The following COPB1 variants were observed in gnomAD, a reference collection of about 807,000 sequenced individuals.
The protein encoded by COPB1 is coatomer subunit beta.
In COPB1, 21 loss-of-function variants were observed where a neutral mutation model predicts 108.7. That is an observed-to-expected ratio of 0.19 (90% CI 0.14 to 0.28). The LOEUF is 0.28. Among genes scored for constraint, COPB1 ranks in the 10% least tolerant of loss-of-function variants. The probability of loss-of-function intolerance (pLI) is 1.00; values close to 1 mark genes in which losing one functional copy is unlikely to be tolerated. For synonymous variants in COPB1, 378 were observed against 386.8 expected (o/e 0.98, Z 0.27); for missense variants, 919 against 1,141.3 (o/e 0.81, Z 2.81).
chr11:14,484,373 T>C (rs1440832561), intron 7 of COPB1, among the ~76,000 whole-genome samples: 1 of 152,230 alleles, frequency 6.6e-6, no homozygotes. Flanking sequence ...TTGACAATTA[T>C]ATGATTATAG....
chr11:14,477,724 G>T (rs992464465), intron 11 of COPB1, among the ~76,000 whole-genome samples: 1 of 151,830 alleles, frequency 6.6e-6, no homozygotes, highest in African/African-American at 2.4e-5. Context: ...GTGAAACCTC[G>T]TCTCTACTGA....
chr11:14,493,090 G>T (rs1309991494), intron 4 of COPB1, among the ~76,000 whole-genome samples: 1 of 152,178 alleles, frequency 6.6e-6, no homozygotes, highest in Non-Finnish European at 1.5e-5. Context: ...AGGTTGTTGT[G>T]AGCCGAGATC....
In COPB1 at chr11:14,457,744, GAA is replaced by G. The variant is rs1850059490; in HGVS notation, c.*78_*79del. ...ATGAACTCAGATTCTATATAAGCAT[GAA>G]AGAGTACAAAAGATGTTGGAGTCCA... On this transcript the variant is annotated 3_prime_UTR_variant, in exon 22 of 22. Transcript: ENST00000439561. The G allele has an allele frequency of 3.4e-6, 3 of 871,372 alleles. No homozygotes were observed. Among genetic ancestry groups the G allele is most frequent in the East Asian group, 5.0e-5 (2 of 40,356 alleles). The allele number at this position is 871,372 out of a possible 1,614,324, so 54.0% of individuals were successfully genotyped here. A position where few individuals can be genotyped will look rare whatever the true frequency, so the allele number is the denominator to read the frequency against.
At chr11:14,489,151 G>C (rs958209391) in intron 5 of COPB1, among the ~76,000 whole-genome samples, 7 of 152,240 alleles carry the variant, frequency 4.6e-5, no homozygotes, top group South Asian at 2.1e-4. Context: ...TCTTGTTTAG[G>C]AAGACAAAAT....
At position 14,465,023 on chromosome 11, in the gene COPB1, C is replaced by T. The variant is rs1423703996; in HGVS notation, c.2298G>A (p.Leu766=). 6 of 1,607,736 alleles carry T rather than the reference C, an allele frequency of 3.7e-6. No homozygotes were observed. In the African/African-American group the frequency reaches 8.1e-5, roughly 22 times the overall value. ...CTLELATLGD[L]KLVEKPSPLT... The stretch of plus-strand genomic sequence containing the variant: ...AAGGAGACGGCTTTTCCACAAGTTT[C>T]AGATCCCCTGAAAGAAAGAGTTTGG... The change falls in exon 18 of 22, where the codon CTG becomes CTA. Residue 766 remains leucine, a synonymous_variant. Transcript: ENST00000439561.
intron 4 of COPB1, among the ~76,000 whole-genome samples, chr11:14,493,432 A>G (rs997386060): frequency 1.3e-5 from 2 of 152,382 alleles, no homozygotes; most frequent in South Asian, 2.1e-4. Context: ...TTACTGTTAT[A>G]CAAGTTCAGC....
intron 14 of COPB1, among the ~76,000 whole-genome samples, chr11:14,471,474 T>C (rs1286480030): frequency 1.3e-5 from 2 of 152,204 alleles, no homozygotes; most frequent in Non-Finnish European, 2.9e-5. Flanking sequence ...TTAAAGATTA[T>C]ACTGTGACCA....
intron 16 of COPB1, among the ~76,000 whole-genome samples, chr11:14,468,197 C>T (rs1324876680): frequency 6.6e-6 from 1 of 152,130 alleles, no homozygotes; most frequent in Non-Finnish European, 1.5e-5. Flanking sequence ...ACTGTTCATT[C>T]AGTCTAATAG....
intron 5 of COPB1, among the ~76,000 whole-genome samples, chr11:14,489,875 T>C (rs1357865251): frequency 1.3e-5 from 2 of 152,222 alleles, no homozygotes; most frequent in Non-Finnish European, 2.9e-5. Context: ...AATTTTTTTG[T>C]TATGTGTATG....
At position 14,488,013 on chromosome 11, in the gene COPB1, A is replaced by T. The variant is rs1850815280; in HGVS notation, c.699+479T>A. ...TTGCCAATATAGTATTTGATTTAAAAATCCAAAATTCTTAGCTGGTTTTAG... is the reference window on the plus strand; with the variant it reads ...TTGCCAATATAGTATTTGATTTAAATATCCAAAATTCTTAGCTGGTTTTAG... On this transcript the variant is annotated intron_variant, in intron 6 of 21. Coordinates refer to ENST00000439561, the MANE Select transcript of COPB1 (RefSeq NM_001144061.2). Among the ~76,000 whole-genome samples the T allele has an allele frequency of 2.0e-5, 3 of 152,366 alleles. No homozygotes were observed. The South Asian group carries it at 6.2e-4, about 32-fold the overall frequency.
chr11:14,499,232 T>A lies in COPB1; in HGVS notation c.-57-247A>T, dbSNP rs138128102. On this transcript the variant is annotated intron_variant, in intron 1 of 21. Coordinates refer to ENST00000439561, the MANE Select transcript of COPB1 (RefSeq NM_001144061.2). ...AGCCGAATGAAGGCCCACAGAACAG[T>A]GACAGTCCCCCCAGCCACACCCCAC... Among the ~76,000 whole-genome samples the A allele has an allele frequency of 1.8e-3, 272 of 152,154 alleles. 1 individual carries two copies. The highest frequency in any genetic ancestry group is 6.2e-3 in the African/African-American group (257 of 41,502).
chr11:14,498,035 G>T (rs1851064649), intron 2 of COPB1, among the ~76,000 whole-genome samples: 1 of 152,210 alleles, frequency 6.6e-6, no homozygotes, highest in African/African-American at 2.4e-5. Flanking sequence ...GTTATCAGAG[G>T]TGGGAAGGGT....
Position 14,457,798 on chromosome 11 carries a change from A to T in COPB1, c.*26T>A. The T allele has an allele frequency of 6.8e-7, 1 of 1,462,018 alleles. No individual in the cohort carries two copies. Among genetic ancestry groups the T allele is most frequent in the Non-Finnish European group, 9.6e-7 (1 of 1,044,602 alleles). The allele number at this position is 1,462,018 out of a possible 1,614,324, so 90.6% of individuals were successfully genotyped here. On this transcript the variant is annotated 3_prime_UTR_variant, in exon 22 of 22. Coordinates refer to ENST00000439561, the MANE Select transcript of COPB1 (RefSeq NM_001144061.2). Reference sequence around the variant, plus strand: ...TAAGCCCATACCTAAATTAACTGTAAAGCTTCAAGGACTTTTTGTTTATTT... The same window carrying T: ...TAAGCCCATACCTAAATTAACTGTATAGCTTCAAGGACTTTTTGTTTATTT...
Position 14,481,010 on chromosome 11 carries a change from A to G in COPB1, c.1045T>C (p.Ser349Pro). 6.2e-7 allele frequency: 1 copy of G among 1,614,006 alleles called. No individual in the cohort carries two copies. The highest frequency in any genetic ancestry group is 8.5e-7 in the Non-Finnish European group (1 of 1,179,930). ...KTLQLALDLVSSRNVEELVIV... is the reference protein window; with the variant it reads ...KTLQLALDLVPSRNVEELVIV... ...TTTACCTCTTCAACATTTCTAGAAGAGACAAGATCCAGTGCTAACTGCAGA... is the reference window on the plus strand; with the variant it reads ...TTTACCTCTTCAACATTTCTAGAAGGGACAAGATCCAGTGCTAACTGCAGA... The change falls in exon 9 of 22, where the codon TCT (serine) becomes CCT (proline). Residue 349 changes from serine to proline, a missense_variant. Ser to Pro is a moderately conservative substitution (Grantham distance 74, BLOSUM62 -1). Around this residue, in one of 5 missense-constraint regions of COPB1, gnomAD observed 705 missense variants for 817.8 expected, o/e 0.86. Transcript: ENST00000439561.
intron 5 of COPB1, among the ~76,000 whole-genome samples, chr11:14,488,983 G>A (rs1402368810): frequency 6.6e-6 from 1 of 152,110 alleles, no homozygotes; most frequent in African/African-American, 2.4e-5. Context: ...CTACAATGCT[G>A]AAAACATCTC....
chr11:14,484,805 CA>C (rs917074128), intron 7 of COPB1, among the ~76,000 whole-genome samples: 4 of 152,090 alleles, frequency 2.6e-5, no homozygotes, highest in Non-Finnish European at 5.9e-5. Context: ...ATTTCAAAAT[CA>C]AAAATTAAAA....
intron 7 of COPB1, among the ~76,000 whole-genome samples, chr11:14,486,066 C>G (rs558390335): frequency 5.3e-5 from 8 of 152,168 alleles, no homozygotes; most frequent in African/African-American, 1.9e-4. Flanking sequence ...GTCTTGCTGT[C>G]TCAGGAGTAG....
intron 2 of COPB1, among the ~76,000 whole-genome samples, chr11:14,496,684 GAAA>G (rs35125378): frequency 7.0e-6 from 1 of 143,748 alleles, no homozygotes. Context: ...ATTCTTCACA[GAAA>G]AAAAAAAAAA....
At chr11:14,477,990 A>G (rs10766182) in intron 11 of COPB1, among the ~76,000 whole-genome samples, 48,473 of 151,002 alleles carry the variant, frequency 0.32, 8,996 homozygotes, top group South Asian at 0.44. Context: ...TGGGTGACAG[A>G]GCAAGCTTCT....
Sources: gnomAD v4.1 joint callset for allele counts (sites outside exome capture counted in the v4.1 genomes callset) on GRCh38, gnomAD v4.1.1 for gene constraint, gnomAD v4.1.1 regional missense constraint, MANE v1.5 for transcripts, NCBI Gene and HGNC (gene_info 2026-07-23, HGNC 2026-07-21) for gene names.